The following EXOC4 variants were observed in gnomAD, a reference collection of about 807,000 sequenced individuals.
EXOC4 encodes the protein exocyst complex component 4, also known as SEC8-like 1.
EXOC4 carries 71 observed loss-of-function variants against 107.2 expected under a neutral mutation model. That is an observed-to-expected ratio of 0.66 (90% CI 0.55 to 0.81). The LOEUF is 0.81. EXOC4 is among the 30% of genes least tolerant of loss of function. The probability of loss-of-function intolerance (pLI) is 0.00; values close to 1 mark genes in which losing one functional copy is unlikely to be tolerated. For missense variants in EXOC4, 1,108 were observed against 1,189.6 expected (o/e 0.93, Z 1.01); for synonymous variants, 456 against 441.2 (o/e 1.03, Z -0.42).
chr7:133,444,394 A>G (rs934423229), intron 7 of EXOC4, among the ~76,000 whole-genome samples: 12 of 152,080 alleles, frequency 7.9e-5, no homozygotes, highest in African/African-American at 2.9e-4. Flanking sequence ...TTGAGGATTG[A>G]CTTTGTAACA....
At chr7:133,522,501 C>T (rs552671266) in intron 9 of EXOC4, among the ~76,000 whole-genome samples, 21 of 152,046 alleles carry the variant, frequency 1.4e-4, no homozygotes, top group Admixed American at 1.2e-3. Context: ...TTCTGAATAA[C>T]AAATAATATA....
chr7:133,997,296 TGATTC>T (rs1334951434), intron 14 of EXOC4, among the ~76,000 whole-genome samples, 191 bp from the exon 15 acceptor site: 1 of 152,218 alleles, frequency 6.6e-6, no homozygotes, highest in Non-Finnish European at 1.5e-5. Context: ...TTATATGAAT[TGATTC>T]AAGATAAGCC....
At chr7:133,738,269 C>A (rs1333560452) in intron 10 of EXOC4, among the ~76,000 whole-genome samples, 1 of 152,070 alleles carries the variant, frequency 6.6e-6, no homozygotes, top group Non-Finnish European at 1.5e-5. Context: ...AATGAAATTT[C>A]TCAGTAGTAG....
At chr7:133,634,554 A>G (rs1802661866) in intron 10 of EXOC4, among the ~76,000 whole-genome samples, 1 of 152,008 alleles carries the variant, frequency 6.6e-6, no homozygotes, top group African/African-American at 2.4e-5. Flanking sequence ...CAATGGTGCA[A>G]TCTCGGCTCA....
intron 7 of EXOC4, among the ~76,000 whole-genome samples, chr7:133,398,610 C>T (rs1032599505): frequency 2.0e-5 from 3 of 152,200 alleles, no homozygotes; most frequent in African/African-American, 4.8e-5. Flanking sequence ...TTTCCAGGCA[C>T]TTCTCAGTAA....
chr7:133,588,928 ATG>A (rs1435127664), intron 9 of EXOC4, among the ~76,000 whole-genome samples: 11 of 151,370 alleles, frequency 7.3e-5, no homozygotes, highest in Non-Finnish European at 1.3e-4. Context: ...ATGTGTGTAT[ATG>A]TGTGTGTGTA....
intron 10 of EXOC4, among the ~76,000 whole-genome samples, chr7:133,772,746 G>C (rs1219028714): frequency 6.6e-6 from 1 of 151,974 alleles, no homozygotes; most frequent in Non-Finnish European, 1.5e-5. Flanking sequence ...TGCAAACAAG[G>C]ACATTTGAGT....
rs553659275 is a variant in EXOC4 at position 133,347,609 on chromosome 7, A to G, written c.764-8721A>G. 6.1e-3 allele frequency among the ~76,000 whole-genome samples: 933 copies of G among 152,342 alleles called. 7 individuals are homozygous for G. Among genetic ancestry groups the G allele is most frequent in the Non-Finnish European group, 9.7e-3 (660 of 68,038 alleles). Reference sequence around the variant, plus strand: ...AAGGACCATAGATATTATCTAGTCAATCTTTTCATGAGTCCCAGAGAGTTT... The same window carrying G: ...AAGGACCATAGATATTATCTAGTCAGTCTTTTCATGAGTCCCAGAGAGTTT... On this transcript the variant is annotated intron_variant, in intron 5 of 17. Transcript: ENST00000253861.
chr7:133,261,391 C>T (rs1252572426), intron 1 of EXOC4, among the ~76,000 whole-genome samples: 1 of 152,018 alleles, frequency 6.6e-6, no homozygotes, highest in Non-Finnish European at 1.5e-5. Flanking sequence ...CTTAGCCTCC[C>T]AAGTTGCTGA....
chr7:134,016,624 A>G (rs1346798637), intron 17 of EXOC4, among the ~76,000 whole-genome samples: 1 of 152,224 alleles, frequency 6.6e-6, no homozygotes, highest in African/African-American at 2.4e-5. Flanking sequence ...GCAACTAAAC[A>G]TACAGATTCA....
At chr7:133,704,027 C>T (rs1165070589) in intron 10 of EXOC4, among the ~76,000 whole-genome samples, 1 of 152,172 alleles carries the variant, frequency 6.6e-6, no homozygotes, top group African/African-American at 2.4e-5. Flanking sequence ...TAGAGCTTTG[C>T]TTGTTTCATC....
chr7:134,073,227 A>C, the EXOC4 span, among the ~76,000 whole-genome samples: 314 of 18,132 alleles, frequency 0.017, 11 homozygotes, highest in Middle Eastern at 0.058. Flanking sequence ...AAAAAAAAAA[A>C]AAAAACAACA....
intron 6 of EXOC4, among the ~76,000 whole-genome samples, chr7:133,368,708 T>C (rs1796299577): frequency 6.6e-6 from 1 of 152,176 alleles, no homozygotes; most frequent in South Asian, 2.1e-4. Context: ...CATCTAGGAT[T>C]AATATTTTCT....
At chr7:133,943,061 G>A (rs1264052428) in intron 14 of EXOC4, among the ~76,000 whole-genome samples, 3 of 152,156 alleles carry the variant, frequency 2.0e-5, no homozygotes, top group Admixed American at 1.3e-4. Context: ...AGTTAAAAAT[G>A]TAGTTCCTCT....
chr7:133,996,304 G>A (rs1248641419), intron 14 of EXOC4, among the ~76,000 whole-genome samples: 1 of 152,028 alleles, frequency 6.6e-6, no homozygotes, highest in African/African-American at 2.4e-5. Flanking sequence ...TTAGCTCTTG[G>A]TCACATAAAG....
intron 10 of EXOC4, among the ~76,000 whole-genome samples, chr7:133,642,815 C>T (rs758471632): frequency 6.6e-6 from 1 of 152,128 alleles, no homozygotes; most frequent in East Asian, 1.9e-4. Flanking sequence ...TTCAAAGCCA[C>T]GAATCCTTCC....
chr7:133,960,194 GA>G (rs752738861), intron 14 of EXOC4, among the ~76,000 whole-genome samples: 15 of 149,286 alleles, frequency 1.0e-4, no homozygotes, highest in African/African-American at 2.0e-4. Flanking sequence ...AGGATTTATT[GA>G]AAAAAAAAAT....
At chr7:133,403,866 C>T (rs567377737) in intron 7 of EXOC4, among the ~76,000 whole-genome samples, 3 of 152,090 alleles carry the variant, frequency 2.0e-5, no homozygotes, top group South Asian at 2.1e-4. Context: ...AGGAGTTTGC[C>T]GTCAGAAAAG....
chr7:133,538,934 C>A (rs1800329726), intron 9 of EXOC4, among the ~76,000 whole-genome samples: 1 of 143,492 alleles, frequency 7.0e-6, no homozygotes, highest in Admixed American at 7.1e-5. Flanking sequence ...GGAAGGATTA[C>A]ACTTAGCTCT....
Sources: allele counts gnomAD v4.1 joint callset (sites outside exome capture counted in the v4.1 genomes callset), GRCh38; gene constraint gnomAD v4.1.1; transcripts MANE v1.5; gene names NCBI Gene and HGNC (gene_info 2026-07-23, HGNC 2026-07-21).